The following ITPK1 variants were observed in gnomAD, a reference collection of about 807,000 sequenced individuals.
ITPK1 encodes the protein inositol 1,3,4-trisphosphate 5/6-kinase.
In ITPK1, 21 loss-of-function variants were observed where a neutral mutation model predicts 45.3. The observed-to-expected ratio is 0.46, with a 90% CI of 0.33 to 0.67. The LOEUF (loss-of-function observed/expected upper bound fraction) is 0.67. Among genes scored for constraint, ITPK1 ranks in the 30% least tolerant of loss-of-function variants. The probability of loss-of-function intolerance (pLI) is 0.02; values close to 1 mark genes in which losing one functional copy is unlikely to be tolerated. For missense variants in ITPK1, 474 were observed against 573.5 expected, an observed-to-expected ratio of 0.83 and a Z score of 1.77; for synonymous variants, 258 against 253.6, an observed-to-expected ratio of 1.02 and a Z score of -0.16.
intron 3 of ITPK1, among the ~76,000 whole-genome samples, chr14:93,042,139 G>A (rs1360413516): frequency 1.3e-5 from 2 of 152,132 alleles, no homozygotes; most frequent in Non-Finnish European, 2.9e-5. Context: ...TATAAGTTGA[G>A]GAAATTAACC....
chr14:93,048,734 A>G (rs1475065330), intron 3 of ITPK1, among the ~76,000 whole-genome samples: 1 of 152,222 alleles, frequency 6.6e-6, no homozygotes, highest in Non-Finnish European at 1.5e-5. Context: ...GGATTGCTTA[A>G]GCTCAGGAGT....
intron 2 of ITPK1, among the ~76,000 whole-genome samples, chr14:93,081,360 G>A (rs531146993): frequency 7.2e-5 from 11 of 151,876 alleles, no homozygotes; most frequent in Admixed American, 2.6e-4. Flanking sequence ...CTGCACCTGC[G>A]AATAATTTTA....
chr14:93,112,437 ATTT>A (rs34131872), intron 2 of ITPK1, among the ~76,000 whole-genome samples: 12 of 122,678 alleles, frequency 9.8e-5, no homozygotes, highest in Admixed American at 2.6e-4. Context: ...GAGCAGGGCC[ATTT>A]TTTTTTTTTT....
At chr14:92,985,024 T>C (rs1421821270) in intron 5 of ITPK1, among the ~76,000 whole-genome samples, 3 of 152,206 alleles carry the variant, frequency 2.0e-5, no homozygotes, top group Non-Finnish European at 4.4e-5. Flanking sequence ...GAAGACATCG[T>C]TGTCCTCATG....
intron 4 of ITPK1, among the ~76,000 whole-genome samples, chr14:92,997,911 C>T (rs1887143160): frequency 6.6e-6 from 1 of 152,212 alleles, no homozygotes; most frequent in Non-Finnish European, 1.5e-5. Context: ...CCAACAGAGA[C>T]AACTGGCCCT....
intron 5 of ITPK1, among the ~76,000 whole-genome samples, chr14:92,990,445 T>A (rs1263227627): frequency 1.3e-5 from 2 of 152,168 alleles, no homozygotes; most frequent in Non-Finnish European, 2.9e-5. Flanking sequence ...GGCTTTTACA[T>A]CAGAGAGAAA....
In ITPK1 at chr14:93,115,869, C is replaced by T. The variant is rs1246860235; in HGVS notation, c.-240G>A. On this transcript the variant is annotated 5_prime_UTR_variant, in exon 1 of 11. Coordinates refer to ENST00000267615, the MANE Select transcript of ITPK1 (RefSeq NM_014216.6). ...CGCCCGCGCACTCGCCGCCCCTGCC[C>T]GCCGCCGCCCCGCGCTGGCCCGGCC... 1.4e-5 allele frequency: 2 copies of T among 146,442 alleles called. No individual in the cohort carries two copies. Among genetic ancestry groups the T allele is most frequent in the Non-Finnish European group, 3.0e-5 (2 of 65,730 alleles). 9.1% of individuals were successfully genotyped at this position (146,442 alleles called of 1,614,324 possible). A position where few individuals can be genotyped will look rare whatever the true frequency, so the allele number is the denominator to read the frequency against.
At position 93,115,883 on chromosome 14, in the gene ITPK1, G is replaced by A. The variant is rs1249770938; in HGVS notation, c.-254C>T. The A allele has an allele frequency of 6.9e-6, 1 of 145,412 alleles. No individual in the cohort carries two copies. Among genetic ancestry groups the A allele is most frequent in the African/African-American group, 2.5e-5 (1 of 40,628 alleles). The allele number at this position is 145,412 out of a possible 1,614,324, so 9.0% of individuals were successfully genotyped here. Reference sequence around the variant, plus strand: ...CCGCCCCTGCCCGCCGCCGCCCCGCGCTGGCCCGGCCGCCCCGCTTGAGCC... The same window carrying A: ...CCGCCCCTGCCCGCCGCCGCCCCGCACTGGCCCGGCCGCCCCGCTTGAGCC... On this transcript the variant is annotated 5_prime_UTR_variant, in exon 1 of 11. Transcript: ENST00000267615.
intron 3 of ITPK1, among the ~76,000 whole-genome samples, chr14:93,047,865 A>C (rs926511699): frequency 6.6e-5 from 10 of 152,246 alleles, no homozygotes; most frequent in African/African-American, 1.9e-4. Flanking sequence ...ATGAAGCTGC[A>C]GGCAACCAGT....
intron 4 of ITPK1, among the ~76,000 whole-genome samples, chr14:93,003,805 C>T (rs1249226444): frequency 6.6e-6 from 1 of 152,198 alleles, no homozygotes; most frequent in Non-Finnish European, 1.5e-5. Context: ...GGGCACTGTG[C>T]AAGTTGAAAC....
chr14:93,109,938 C>T (rs1201200349), intron 2 of ITPK1, among the ~76,000 whole-genome samples: 1 of 152,220 alleles, frequency 6.6e-6, no homozygotes, highest in Non-Finnish European at 1.5e-5. Flanking sequence ...CACTCACTCA[C>T]TCCACAGGGA....
At position 93,014,304 on chromosome 14, in the gene ITPK1, G is replaced by A. The variant is rs1888063146; in HGVS notation, c.246+2372C>T. On this transcript the variant is annotated intron_variant, in intron 4 of 10. Transcript: ENST00000267615. The surrounding 1 kb of genome is among the most constrained non-coding windows in gnomAD (Gnocchi z 4.4). ...TTAATATTGTTTTCTGCCCAGAAAA[G>A]GAACACAGCGGGCACTCTCATTCAC... Among the ~76,000 whole-genome samples, 1 of 152,192 alleles carries A rather than the reference G, an allele frequency of 6.6e-6. No homozygotes were observed.
chr14:92,983,268 C>T (rs1464194935), intron 5 of ITPK1, among the ~76,000 whole-genome samples: 5 of 152,198 alleles, frequency 3.3e-5, no homozygotes, highest in Admixed American at 1.3e-4. Flanking sequence ...CCCAGGCAGA[C>T]GCTCACTGTC....
Position 93,110,660 on chromosome 14 carries a change from C to T in ITPK1, c.95+4409G>A, listed in dbSNP as rs558235860. On this transcript the variant is annotated intron_variant, in intron 2 of 10. Transcript: ENST00000267615. ...GCTACCTACCAAGGGTGGTCATAAACGTGAACATTAATGAACTCCTCAGTC... is the reference window on the plus strand; with the variant it reads ...GCTACCTACCAAGGGTGGTCATAAATGTGAACATTAATGAACTCCTCAGTC... Among the ~76,000 whole-genome samples, 5 of 152,314 alleles carry T rather than the reference C, an allele frequency of 3.3e-5. No individual in the cohort carries two copies. In the South Asian group the frequency reaches 6.2e-4, roughly 19 times the overall value.
At chr14:92,994,082 G>A (rs984928593) in intron 4 of ITPK1, 85 bp from the exon 5 acceptor site, 32 of 824,676 alleles carry the variant, frequency 3.9e-5, no homozygotes, top group Middle Eastern at 4.5e-4. Flanking sequence ...ACGTCCATCC[G>A]TTCCTGTCCT....
intron 2 of ITPK1, among the ~76,000 whole-genome samples, chr14:93,098,664 C>A (rs1461232557): frequency 6.6e-6 from 1 of 152,164 alleles, no homozygotes; most frequent in Admixed American, 6.5e-5. Context: ...TGCAGGGCCG[C>A]ACAGCTCAGC....
chr14:93,097,055 C>A (rs1298930160), intron 2 of ITPK1, among the ~76,000 whole-genome samples: 1 of 152,174 alleles, frequency 6.6e-6, no homozygotes, highest in East Asian at 1.9e-4. Flanking sequence ...TCCTTATGAA[C>A]CCGACTTCTC....
At chr14:92,960,569 G>T (rs1885016013) in intron 7 of ITPK1, among the ~76,000 whole-genome samples, 1 of 152,246 alleles carries the variant, frequency 6.6e-6, no homozygotes, top group South Asian at 2.1e-4. Flanking sequence ...GGATTCCACA[G>T]CCCCGGCCCT....
In ITPK1 at chr14:93,012,447, G is replaced by A. The variant is rs763176778; in HGVS notation, c.246+4229C>T. Among the ~76,000 whole-genome samples, 77 of 152,236 alleles carry A rather than the reference G, an allele frequency of 5.1e-4. No homozygotes were observed. The highest frequency in any genetic ancestry group is 8.5e-4 in the Non-Finnish European group (58 of 68,042). On this transcript the variant is annotated intron_variant, in intron 4 of 10. Transcript: ENST00000267615. The surrounding 1 kb of genome is among the most constrained non-coding windows in gnomAD (Gnocchi z 4.9). ...CCTGGGCAGCTGCTGAGGGGGCCAG[G>A]GAAGGAGCGGGTGGGGCAGATCACC... is the stretch of plus-strand genomic sequence containing the variant.
Sources: gnomAD v4.1 joint callset for allele counts (sites outside exome capture counted in the v4.1 genomes callset) on GRCh38, gnomAD v4.1.1 for gene constraint, Gnocchi (gnomAD v3.1) non-coding constraint, MANE v1.5 for transcripts, NCBI Gene and HGNC (gene_info 2026-07-23, HGNC 2026-07-21) for gene names.